The following COQ8B variants were observed in gnomAD, a reference collection of about 807,000 sequenced individuals.
COQ8B encodes atypical kinase COQ8B, mitochondrial.
COQ8B carries 44 observed loss-of-function variants against 62.0 expected under a neutral mutation model. The ratio of observed to expected loss-of-function variants is 0.71; its 90% confidence interval spans 0.56 to 0.91. The LOEUF (loss-of-function observed/expected upper bound fraction) is 0.91. COQ8B is among the 40% of genes least tolerant of loss of function. The pLI is 0.00. For missense variants in COQ8B, 649 were observed against 731.6 expected (o/e 0.89, Z 1.30); for synonymous variants, 252 against 289.9 (o/e 0.87, Z 1.33).
intron 7 of COQ8B, 146 bp from the exon 8 acceptor site, chr19:40,704,001 C>G: frequency 9.0e-7 from 1 of 1,106,776 alleles, no homozygotes; most frequent in Non-Finnish European, 1.2e-6. Flanking sequence ...GATGAGGAAA[C>G]TGAGGCTCAG....
At chr19:40,701,654 A>G (rs2082061860) in intron 10 of COQ8B, among the ~76,000 whole-genome samples, 1 of 151,822 alleles carries the variant, frequency 6.6e-6, no homozygotes, top group African/African-American at 2.4e-5. Context: ...TTTCATCCTC[A>G]CTCCACAGTG....
At chr19:40,715,212 A>G (rs2082176723) in intron 1 of COQ8B, 1 of 984,016 alleles carries the variant, frequency 1.0e-6, no homozygotes, top group East Asian at 1.1e-4. Flanking sequence ...AAGGGGCCAG[A>G]GAGAGGCCCT....
chr19:40,692,418 A>C, intron 14 of COQ8B, 45 bp from the exon 15 acceptor site: 8 of 1,569,102 alleles, frequency 5.1e-6, no homozygotes, highest in Non-Finnish European at 6.1e-6. Flanking sequence ...CAGTGTGGAC[A>C]TAGAGCCCTC....
intron 7 of COQ8B, chr19:40,704,627 G>C (rs1365453769): frequency 6.4e-6 from 1 of 155,858 alleles, no homozygotes; most frequent in Admixed American, 6.2e-5. Flanking sequence ...TGGGAGAGCA[G>C]GTGGGTGGCG....
At chr19:40,714,466 T>C (rs2082168926) in intron 2 of COQ8B, 65 bp downstream of exon 2, 1 of 1,613,446 alleles carries the variant, frequency 6.2e-7, no homozygotes, top group African/African-American at 1.3e-5. Flanking sequence ...ACCCCTCCTG[T>C]CCTTTTACCC....
In COQ8B at chr19:40,714,974, T is replaced by C. The variant is rs548604052; in HGVS notation, c.-3-339A>G. 7.7e-6 allele frequency: 8 copies of C among 1,039,902 alleles called. No homozygotes were observed. In the East Asian group the frequency reaches 7.1e-4, roughly 93 times the overall value. 64.4% of individuals were successfully genotyped at this position (1,039,902 alleles called of 1,614,324 possible). A position where few individuals can be genotyped will look rare whatever the true frequency, so the allele number is the denominator to read the frequency against. ...ACCGCCTTCCCCTCTGTTGGCCCTG[T>C]AGGCACCCGCAATTCCTCCGGTGTC... On this transcript the variant is annotated intron_variant, in intron 1 of 14. Coordinates refer to ENST00000324464, the MANE Select transcript of COQ8B (RefSeq NM_024876.4).
intron 5 of COQ8B, among the ~76,000 whole-genome samples, chr19:40,705,930 G>A (rs77286785): frequency 6.9e-6 from 1 of 145,320 alleles, no homozygotes; most frequent in East Asian, 2.0e-4. Flanking sequence ...ACCCTGTCTC[G>A]GGAAAAAAAA....
At chr19:40,706,501 T>TATC (rs2082102043) in intron 5 of COQ8B, among the ~76,000 whole-genome samples, 1 of 152,236 alleles carries the variant, frequency 6.6e-6, no homozygotes, top group Non-Finnish European at 1.5e-5. Context: ...TGTCTCACTC[T>TATC]ATCACCCAGG....
intron 4 of COQ8B, among the ~76,000 whole-genome samples, chr19:40,712,965 G>A (rs1181840793): frequency 6.6e-6 from 1 of 152,208 alleles, no homozygotes; most frequent in Non-Finnish European, 1.5e-5. Flanking sequence ...TAGAACCCCA[G>A]CACTTCGGGA....
intron 7 of COQ8B, chr19:40,704,696 C>G (rs2082087010): frequency 6.1e-6 from 1 of 163,922 alleles, no homozygotes; most frequent in Admixed American, 5.9e-5. Flanking sequence ...TGGGCACTTA[C>G]TTGGTGCCAG....
In COQ8B at chr19:40,697,745, G is replaced by A. The variant is rs577476144; in HGVS notation, c.1144-1691C>T. Among the ~76,000 whole-genome samples the A allele has an allele frequency of 1.5e-4, 22 of 150,356 alleles. No individual in the cohort carries two copies. In the South Asian group the frequency reaches 4.4e-3, roughly 30 times the overall value. ...CAGGAGGTGGAGGTTGCAGTGAGTCGAGATTGTGCCACTGCACTCCAGCCT... is the reference window on the plus strand; with the variant it reads ...CAGGAGGTGGAGGTTGCAGTGAGTCAAGATTGTGCCACTGCACTCCAGCCT... On this transcript the variant is annotated intron_variant, in intron 12 of 14. Coordinates refer to ENST00000324464, the MANE Select transcript of COQ8B (RefSeq NM_024876.4).
chr19:40,714,132 A>G lies in COQ8B; in HGVS notation c.224T>C (p.Leu75Pro). The stretch of plus-strand genomic sequence containing the variant: ...CTTGCGTTCTCGAGAGCGGTCACTC[A>G]GCTGGGAAATGGGGACAAGGTCTGA... ...ARPRKTPRPQ[L>P]SDRSRERKVP... Residue 75 changes from leucine to proline, a missense_variant and splice_region_variant, in exon 4 of 15, where the codon CTG becomes CCG. Physicochemically the swap from Leu to Pro is moderately conservative, Grantham distance 98 (BLOSUM62 -3). Coordinates refer to ENST00000324464, the MANE Select transcript of COQ8B (RefSeq NM_024876.4). 2 of 1,614,196 alleles carry G rather than the reference A, an allele frequency of 1.2e-6. No homozygotes were observed. Among genetic ancestry groups the G allele is most frequent in the South Asian group, 1.1e-5 (1 of 91,086 alleles).
chr19:40,698,710 C>T (rs1030822916), intron 12 of COQ8B, among the ~76,000 whole-genome samples: 2 of 152,116 alleles, frequency 1.3e-5, no homozygotes, highest in African/African-American at 4.8e-5. Flanking sequence ...CGTGGGGCCA[C>T]AGGATGCTCA....
At position 40,705,180 on chromosome 19, in the gene COQ8B, G is replaced by A. The variant is rs773038734; in HGVS notation, c.492C>T (p.Asp164=). ...GCAGCTGAGGGCTGATGAAGCTGTT[G>A]TCTTGGGAGACAGTGGAACCAGGGG... is the stretch of plus-strand genomic sequence containing the variant. The part of the protein sequence containing the change: ...LKVGQMLSIQ[D]NSFISPQLQH... Residue 164 remains aspartate (D), a splice_region_variant and synonymous_variant, in exon 7 of 15, where the codon GAC becomes GAT. Coordinates refer to ENST00000324464, the MANE Select transcript of COQ8B (RefSeq NM_024876.4). 5.6e-6 allele frequency: 9 copies of A among 1,613,208 alleles called. No individual in the cohort carries two copies. In the East Asian group the frequency reaches 1.3e-4, roughly 24 times the overall value.
chr19:40,714,081 A>T lies in COQ8B; in HGVS notation c.275T>A (p.Leu92Ter). 6.2e-7 allele frequency: 1 copy of T among 1,614,080 alleles called. No homozygotes were observed. Among genetic ancestry groups the T allele is most frequent in the Non-Finnish European group, 8.5e-7 (1 of 1,180,014 alleles). The part of the protein sequence containing the change: ...RKVPASRISR[L>*]ANFGGLAVGL... ...GTCACACCTACCCCCAAAGTTGGCC[A>T]AGCGGCTGATGCGGGAGGCAGGCAC... The change falls in exon 4 of 15, where the codon TTG becomes TAG. Residue 92 changes from leucine (L) to a stop codon, truncating the protein, a stop_gained. Coordinates refer to ENST00000324464, the MANE Select transcript of COQ8B (RefSeq NM_024876.4). LOFTEE classifies it high-confidence loss of function.
At chr19:40,693,230 GA>G (rs2081987934) in intron 13 of COQ8B, among the ~76,000 whole-genome samples, 193 bp from the exon 14 acceptor site, 1 of 152,212 alleles carries the variant, frequency 6.6e-6, no homozygotes, top group Non-Finnish European at 1.5e-5. Flanking sequence ...CAGAGCCTGG[GA>G]GTGGAGGTGG....
At chr19:40,713,200 A>G (rs2082155610) in intron 4 of COQ8B, among the ~76,000 whole-genome samples, 1 of 152,138 alleles carries the variant, frequency 6.6e-6, no homozygotes, top group Non-Finnish European at 1.5e-5. Context: ...TGTCTCTACT[A>G]AAAGTACAAA....
chr19:40,691,965 C>G lies in COQ8B; in HGVS notation c.*70G>C, dbSNP rs1056426112. On this transcript the variant is annotated 3_prime_UTR_variant, in exon 15 of 15. Transcript: ENST00000324464. Reference sequence around the variant, plus strand: ...GGGGGCTCCTCTGACCCAGGGCAGACGGGGAAGGGATAAGAGGCACTACAG... The same window carrying G: ...GGGGGCTCCTCTGACCCAGGGCAGAGGGGGAAGGGATAAGAGGCACTACAG... 1 of 1,401,112 alleles carries G rather than the reference C, an allele frequency of 7.1e-7. No individual in the cohort carries two copies. The highest frequency in any genetic ancestry group is 9.5e-7 in the Non-Finnish European group (1 of 1,057,030). The allele number at this position is 1,401,112 out of a possible 1,614,324, so 86.8% of individuals were successfully genotyped here.
At chr19:40,712,012 T>A (rs1039304961) in intron 4 of COQ8B, among the ~76,000 whole-genome samples, 3 of 151,926 alleles carry the variant, frequency 2.0e-5, no homozygotes, top group African/African-American at 7.3e-5. Context: ...AATCTATCTA[T>A]GTATATATAT....
Sources: allele counts gnomAD v4.1 joint callset (sites outside exome capture counted in the v4.1 genomes callset), GRCh38; gene constraint gnomAD v4.1.1; transcripts MANE v1.5; gene names NCBI Gene and HGNC (gene_info 2026-07-23, HGNC 2026-07-21).